SASH1: variants seen among roughly 807,000 people sequenced by gnomAD.
SASH1 encodes the protein SAM and SH3 domain containing 1, also known as SAM and SH3 domain-containing protein 1.
A neutral mutation model predicts 125.2 loss-of-function variants in SASH1; 44 were observed. The observed-to-expected ratio is 0.35, with a 90% CI of 0.28 to 0.45. The LOEUF is 0.45. Ranked by LOEUF, SASH1 falls within the 20% of genes least tolerant of loss-of-function variation. SASH1 has a pLI of 1.00. For synonymous variants in SASH1, 639 were observed against 649.1 expected, an observed-to-expected ratio of 0.98 and a Z score of 0.24; for missense variants, 1,426 against 1,614.5, an observed-to-expected ratio of 0.88 and a Z score of 2.00.
chr6:148,223,900 G>A, the SASH1 span, among the ~76,000 whole-genome samples: 6 of 152,272 alleles, frequency 3.9e-5, no homozygotes, highest in Middle Eastern at 3.4e-3. Context: ...TGGCTCTTTG[G>A]AATTGAGAAC....
chr6:148,247,723 A>C, the SASH1 span, among the ~76,000 whole-genome samples: 1 of 152,218 alleles, frequency 6.6e-6, no homozygotes, highest in African/African-American at 2.4e-5. Flanking sequence ...ATGAAAGTAA[A>C]TATTTCTTTG....
chr6:148,425,000 AG>A (rs1300035864), intron 2 of SASH1, among the ~76,000 whole-genome samples: 1 of 152,208 alleles, frequency 6.6e-6, no homozygotes, highest in Admixed American at 6.5e-5. Flanking sequence ...ACATGGTCCC[AG>A]GGCAGAGCGG....
chr6:148,384,966 G>T (rs944545989), intron 1 of SASH1, among the ~76,000 whole-genome samples: 1 of 152,146 alleles, frequency 6.6e-6, no homozygotes, highest in Non-Finnish European at 1.5e-5. Flanking sequence ...TAGTTGGTTG[G>T]TTTCATTGAT....
intron 7 of SASH1, among the ~76,000 whole-genome samples, chr6:148,481,634 G>T (rs1265504368): frequency 6.6e-6 from 1 of 152,132 alleles, no homozygotes; most frequent in East Asian, 1.9e-4. Context: ...GAGCAGGAGG[G>T]AGAGAGATGG....
At chr6:148,546,956 C>G (rs1295552935) in intron 19 of SASH1, among the ~76,000 whole-genome samples, 1 of 152,120 alleles carries the variant, frequency 6.6e-6, no homozygotes, top group Non-Finnish European at 1.5e-5. Flanking sequence ...TCCAAGACCT[C>G]CAAGTGGATC....
chr6:148,540,894 A>G (rs888310770), intron 17 of SASH1, among the ~76,000 whole-genome samples: 1 of 152,208 alleles, frequency 6.6e-6, no homozygotes, highest in Non-Finnish European at 1.5e-5. Flanking sequence ...CATCAGGGTC[A>G]TACCAGCAGC....
the SASH1 span, among the ~76,000 whole-genome samples, chr6:148,242,295 T>C: frequency 6.6e-6 from 1 of 152,234 alleles, no homozygotes; most frequent in African/African-American, 2.4e-5. Context: ...GACTTCTCCA[T>C]TCCAGTGGGA....
At chr6:148,255,098 G>A in the SASH1 span, among the ~76,000 whole-genome samples, 17 of 152,168 alleles carry the variant, frequency 1.1e-4, no homozygotes, top group Admixed American at 7.2e-4. Context: ...AGTGAAAGAC[G>A]CCAGACACAA....
At position 148,487,495 on chromosome 6, in the gene SASH1, G is replaced by T. The variant is rs2294779; in HGVS notation, c.628-119G>T. 0.68 allele frequency: 479,366 copies of T among 707,388 alleles called. 163,405 individuals carry two copies. The highest frequency in any genetic ancestry group is 0.76 in the African/African-American group (42,407 of 55,538). The allele number at this position is 707,388 out of a possible 1,614,324, so 43.8% of individuals were successfully genotyped here. On this transcript the variant is annotated intron_variant, in intron 7 of 19. Coordinates refer to ENST00000367467, the MANE Select transcript of SASH1 (RefSeq NM_015278.5). ...GTACCCAAAGTGATCTCTGTGCTGC[G>T]TGAGCACAAGATTATGAACCAGGAA... is the stretch of plus-strand genomic sequence containing the variant.
chr6:148,490,027 A>C (rs1779036220), intron 8 of SASH1, among the ~76,000 whole-genome samples: 1 of 146,496 alleles, frequency 6.8e-6, no homozygotes, highest in South Asian at 2.1e-4. Context: ...AAAAAAAAAA[A>C]AAAAAACAAG....
At chr6:148,376,770 A>G (rs1782911770) in intron 1 of SASH1, among the ~76,000 whole-genome samples, 1 of 152,070 alleles carries the variant, frequency 6.6e-6, no homozygotes, top group Admixed American at 6.6e-5. Context: ...AGGCTGCCTT[A>G]GGAGGGAGGA....
At chr6:148,546,554 T>C (rs1178531294) in intron 19 of SASH1, among the ~76,000 whole-genome samples, 1 of 152,184 alleles carries the variant, frequency 6.6e-6, no homozygotes, top group Admixed American at 6.5e-5. Flanking sequence ...GTTAGAAGCA[T>C]AACTTCCAAA....
chr6:148,322,207 C>T (rs1780650958), intron 1 of SASH1, among the ~76,000 whole-genome samples: 1 of 151,966 alleles, frequency 6.6e-6, no homozygotes. Flanking sequence ...AACAATTAGC[C>T]AGGCATGGTG....
At chr6:148,295,852 T>C (rs1486751296) in intron 1 of SASH1, among the ~76,000 whole-genome samples, 1 of 152,218 alleles carries the variant, frequency 6.6e-6, no homozygotes, top group East Asian at 1.9e-4. Context: ...ACAACTGCTG[T>C]ATTGCCCACA....
intron 2 of SASH1, among the ~76,000 whole-genome samples, chr6:148,392,020 C>T (rs111316990): frequency 1.1e-3 from 174 of 152,302 alleles, no homozygotes; most frequent in African/African-American, 4.0e-3. Flanking sequence ...AGCGGTGGCT[C>T]ATGCCTGTAA....
At chr6:148,326,337 TATATATATATATATATATATGC>T (rs1181266731) in intron 1 of SASH1, among the ~76,000 whole-genome samples, 3 of 77,322 alleles carry the variant, frequency 3.9e-5, no homozygotes, top group African/African-American at 5.3e-5. Context: ...TATATATATA[TATATATATATATATATATATGC>T]ATATATATAT....
intron 7 of SASH1, among the ~76,000 whole-genome samples, chr6:148,474,999 T>TC (rs1778278401): frequency 6.6e-6 from 1 of 152,190 alleles, no homozygotes; most frequent in Admixed American, 6.5e-5. Flanking sequence ...TTTTATTACT[T>TC]CCCCCTGAGT....
chr6:148,323,300 T>C (rs2114578654), intron 1 of SASH1, among the ~76,000 whole-genome samples: 1 of 152,206 alleles, frequency 6.6e-6, no homozygotes, highest in East Asian at 1.9e-4. Flanking sequence ...GTGAGCCCCA[T>C]GCCTGGCCAA....
At chr6:148,337,962 C>G (rs1276342939), upstream of SASH1, among the ~76,000 whole-genome samples, 1 of 150,792 alleles carries the variant, frequency 6.6e-6, no homozygotes, top group African/African-American at 2.4e-5. Flanking sequence ...AATTCACTCA[C>G]CCACAGAAGG....
Sources: allele counts gnomAD v4.1 joint callset (sites outside exome capture counted in the v4.1 genomes callset), GRCh38; gene constraint gnomAD v4.1.1; transcripts MANE v1.5; gene names NCBI Gene and HGNC (gene_info 2026-07-23, HGNC 2026-07-21).